The following MAP3K2 variants were observed in gnomAD, a reference collection of about 807,000 sequenced individuals.
MAP3K2 encodes mitogen-activated protein kinase kinase kinase 2.
In MAP3K2, 24 loss-of-function variants were observed where a neutral mutation model predicts 80.3. The ratio of observed to expected loss-of-function variants is 0.30; its 90% CI spans 0.22 to 0.42. The LOEUF is 0.42. Ranked by LOEUF, MAP3K2 falls within the 10% of genes least tolerant of loss-of-function variation. The pLI is 1.00. For synonymous variants in MAP3K2, 244 were observed against 253.7 expected (o/e 0.96, Z 0.36); for missense variants, 608 against 750.1 (o/e 0.81, Z 2.21).
chr2:127,378,894 G>A (rs1471667871), intron 1 of MAP3K2, among the ~76,000 whole-genome samples: 1 of 151,442 alleles, frequency 6.6e-6, no homozygotes, highest in Non-Finnish European at 1.5e-5. Flanking sequence ...AGCCTTTTGA[G>A]TAATCCTCCC....
At chr2:127,316,300 G>A (rs1001371339) in intron 14 of MAP3K2, among the ~76,000 whole-genome samples, 13 of 152,218 alleles carry the variant, frequency 8.5e-5, no homozygotes, top group African/African-American at 3.1e-4. Context: ...CTTGAACCCA[G>A]GAGACGGAGG....
chr2:127,353,582 C>G (rs1038892748), intron 1 of MAP3K2, among the ~76,000 whole-genome samples: 2 of 151,010 alleles, frequency 1.3e-5, no homozygotes, highest in Non-Finnish European at 3.0e-5. Context: ...GGGGTCAGCC[C>G]CCCGCCTGGC....
rs58961718 is a variant in MAP3K2, at chr2:127,378,981, GTTTTTTTT to G, written c.-66+8463_-66+8470del. On this transcript the variant is annotated intron_variant, in intron 1 of 16. Coordinates refer to ENST00000682094, the MANE Select transcript of MAP3K2 (RefSeq NM_001371910.2). ...GGCTAATTTTGTGGGGTTTTTTGTT[GTTTTTTTT>G]TTTTTTTTTTTTTGGAGAGACAGGG... Among the ~76,000 whole-genome samples, 17 of 88,046 alleles carry G rather than the reference GTTTTTTTT, an allele frequency of 1.9e-4. No homozygotes were observed. In the East Asian group the frequency reaches 5.9e-3, roughly 31 times the overall value. 57.8% of individuals were successfully genotyped at this position (88,046 alleles called of 152,430 possible). A position where few individuals can be genotyped will look rare whatever the true frequency, so the allele number is the denominator to read the frequency against.
At position 127,308,463 on chromosome 2, in the gene MAP3K2, C is replaced by T. The variant is rs1685750683; in HGVS notation, c.1634+122G>A. On this transcript the variant is annotated intron_variant, in intron 16 of 16. Transcript: ENST00000682094. Reference sequence around the variant, plus strand: ...ACAATTAATATAGTGTTAATCTTCGCAATTCTTACGTCCTATTTTGGAAGT... The same window carrying T: ...ACAATTAATATAGTGTTAATCTTCGTAATTCTTACGTCCTATTTTGGAAGT... 7 of 846,652 alleles carry T rather than the reference C, an allele frequency of 8.3e-6. No individual in the cohort carries two copies. In the South Asian group the frequency reaches 1.4e-4, roughly 17 times the overall value. 52.4% of individuals were successfully genotyped at this position (846,652 alleles called of 1,614,324 possible). A position where few individuals can be genotyped will look rare whatever the true frequency, so the allele number is the denominator to read the frequency against.
chr2:127,388,028 C>G (rs961057007), upstream of MAP3K2: 13 of 983,272 alleles, frequency 1.3e-5, no homozygotes, highest in African/African-American at 1.8e-5. Flanking sequence ...GCGCGCACCC[C>G]TCCGCCCGGC....
At chr2:127,327,120 A>T (rs1686157382) in intron 7 of MAP3K2, among the ~76,000 whole-genome samples, 1 of 152,176 alleles carries the variant, frequency 6.6e-6, no homozygotes, top group Middle Eastern at 3.2e-3. Flanking sequence ...AAGACAGTTT[A>T]TTTAAGTAAT....
chr2:127,360,344 G>A (rs886922412), intron 1 of MAP3K2, among the ~76,000 whole-genome samples: 24 of 150,754 alleles, frequency 1.6e-4, no homozygotes, highest in Non-Finnish European at 3.2e-4. Context: ...CTAATCTATG[G>A]TGACAGAAAG....
chr2:127,388,276 C>G, upstream of MAP3K2: 1 of 985,578 alleles, frequency 1.0e-6, no homozygotes, highest in Non-Finnish European at 1.2e-6. Flanking sequence ...GCGGTAGTGG[C>G]CAGATCCCAG....
rs1412449909 is a variant in MAP3K2 at position 127,364,953 on chromosome 2, C to A, written c.-65-21759G>T. Among the ~76,000 whole-genome samples, 12 of 151,474 alleles carry A rather than the reference C, an allele frequency of 7.9e-5. No homozygotes were observed. The East Asian group carries it at 2.1e-3, about 27-fold the overall frequency. On this transcript the variant is annotated intron_variant, in intron 1 of 16. Coordinates refer to ENST00000682094, the MANE Select transcript of MAP3K2 (RefSeq NM_001371910.2). The surrounding 1 kb of genome is among the most constrained non-coding windows in gnomAD (Gnocchi z 4.1). ...GACCGGCCTGGCCAACATGGCAAAA[C>A]CCTGTCTCTACTAAAACTACAAAAA...
intron 15 of MAP3K2, among the ~76,000 whole-genome samples, chr2:127,313,867 G>A (rs989646249): frequency 1.3e-5 from 2 of 152,018 alleles, no homozygotes; most frequent in African/African-American, 2.4e-5. Flanking sequence ...ATGGGGTCTC[G>A]CTACATTACC....
At chr2:127,377,910 G>A (rs1157056588) in intron 1 of MAP3K2, among the ~76,000 whole-genome samples, 1 of 152,184 alleles carries the variant, frequency 6.6e-6, no homozygotes, top group Non-Finnish European at 1.5e-5. Flanking sequence ...TACTTGCCCA[G>A]GAGCCAGAGG....
chr2:127,315,278 TC>T (rs1685878911), intron 14 of MAP3K2, among the ~76,000 whole-genome samples: 1 of 152,192 alleles, frequency 6.6e-6, no homozygotes. Context: ...TTTGAAAACT[TC>T]CCTAGTGATT....
chr2:127,311,485 AC>A (rs1239533083), intron 15 of MAP3K2, among the ~76,000 whole-genome samples: 1 of 152,212 alleles, frequency 6.6e-6, no homozygotes, highest in Non-Finnish European at 1.5e-5. Context: ...CCAGGCTCCA[AC>A]AGAAGTTTCT....
At chr2:127,316,270 A>G (rs1685901198) in intron 14 of MAP3K2, among the ~76,000 whole-genome samples, 2 of 152,188 alleles carry the variant, frequency 1.3e-5, no homozygotes, top group South Asian at 4.1e-4. Flanking sequence ...GCTACACGGG[A>G]GGCTGAGGCA....
At chr2:127,382,245 G>A (rs879098749) in intron 1 of MAP3K2, among the ~76,000 whole-genome samples, 3 of 152,148 alleles carry the variant, frequency 2.0e-5, no homozygotes, top group Admixed American at 1.3e-4. Context: ...GTAAGAAAAT[G>A]TCCTTAACTT....
chr2:127,343,029 T>C lies in MAP3K2; in HGVS notation c.4+97A>G, dbSNP rs1573994125. 5 of 858,024 alleles carry C rather than the reference T, an allele frequency of 5.8e-6. No homozygotes were observed. The East Asian group carries it at 1.3e-4, about 23-fold the overall frequency. 53.2% of individuals were successfully genotyped at this position (858,024 alleles called of 1,614,324 possible). A position where few individuals can be genotyped will look rare whatever the true frequency, so the allele number is the denominator to read the frequency against. ...AATCTGCTATATCATAAAATTTATT[T>C]ATAAAAAGGTTTATAATAACACATA... On this transcript the variant is annotated intron_variant, in intron 2 of 16. Transcript: ENST00000682094.
intron 1 of MAP3K2, among the ~76,000 whole-genome samples, chr2:127,386,326 G>A (rs1250634636): frequency 6.6e-6 from 1 of 152,108 alleles, no homozygotes; most frequent in Non-Finnish European, 1.5e-5. Context: ...TATAAACACT[G>A]ACTAGTAGCA....
chr2:127,336,522 A>G (rs573489658), intron 4 of MAP3K2, among the ~76,000 whole-genome samples: 4 of 152,298 alleles, frequency 2.6e-5, no homozygotes, highest in Non-Finnish European at 5.9e-5. Flanking sequence ...GCATGCACCT[A>G]AAGCTTGAAG....
chr2:127,377,388 G>GT (rs34205221), intron 1 of MAP3K2, among the ~76,000 whole-genome samples: 62,517 of 147,672 alleles, frequency 0.42, 14,263 homozygotes, highest in East Asian at 0.71. Flanking sequence ...AATTTCAGTG[G>GT]TTTTTTTTTT....
Sources: gnomAD v4.1 joint callset for allele counts (sites outside exome capture counted in the v4.1 genomes callset) on GRCh38, gnomAD v4.1.1 for gene constraint, Gnocchi (gnomAD v3.1) non-coding constraint, MANE v1.5 for transcripts, NCBI Gene and HGNC (gene_info 2026-07-23, HGNC 2026-07-21) for gene names.